CDK11A: variants seen among roughly 807,000 people sequenced by gnomAD.
The protein encoded by CDK11A is cyclin dependent kinase 11A.
A neutral mutation model predicts 83.6 loss-of-function variants in CDK11A; 55 were observed. That is an observed-to-expected ratio of 0.66 (90% CI 0.53 to 0.82). The LOEUF is 0.82. Ranked by LOEUF, CDK11A falls within the 40% of genes least tolerant of loss-of-function variation. CDK11A has a pLI of 0.00. For synonymous variants in CDK11A, 247 were observed against 302.7 expected (o/e 0.82, Z 1.91); for missense variants, 564 against 810.1 (o/e 0.70, Z 3.69).
rs796260335 is a variant in CDK11A at position 1,714,992 on chromosome 1, C to T, written c.488+1354G>A. Among the ~76,000 whole-genome samples, 10 of 149,828 alleles carry T rather than the reference C, an allele frequency of 6.7e-5. No homozygotes were observed. In the South Asian group the frequency reaches 2.1e-3, roughly 32 times the overall value. On this transcript the variant is annotated intron_variant, in intron 5 of 19. Transcript: ENST00000404249. Reference sequence around the variant, plus strand: ...CAAGGCCACTGCCCACTGCTCTAAACGGAGTAACCCCTTCCAAGGCAGCAA... The same window carrying T: ...CAAGGCCACTGCCCACTGCTCTAAATGGAGTAACCCCTTCCAAGGCAGCAA...
At chr1:1,721,884 C>T in intron 2 of CDK11A, 173 bp from the exon 3 acceptor site, 2 of 769,828 alleles carry the variant, frequency 2.6e-6, no homozygotes, top group Middle Eastern at 4.2e-4. Flanking sequence ...GGTGCAGTGG[C>T]TCACGCTTGT....
intron 1 of CDK11A, 138 bp from the exon 2 acceptor site, chr1:1,722,969 A>G (rs1280280899): frequency 2.7e-6 from 1 of 368,700 alleles, no homozygotes; most frequent in African/African-American, 3.9e-5. Flanking sequence ...CAGTGGCTCA[A>G]GACGGTAACC....
chr1:1,704,063 G>GGC lies in CDK11A; in HGVS notation c.1768_1769dup (p.Glu592GlnfsTer27), dbSNP rs767264828. 1.9e-6 allele frequency: 3 copies of GGC among 1,595,686 alleles called. No individual in the cohort carries two copies. In the African/African-American group the frequency reaches 4.0e-5, roughly 21 times the overall value. ...CCTTGGCACCAAGCAGCAGCTCTGG[G>GGC]GCGCGGTACCACTGGGTCACCACGA... On this transcript the variant is annotated frameshift_variant, in exon 16 of 20. Transcript: ENST00000404249. LOFTEE classifies it high-confidence loss of function.
chr1:1,703,588 A>G lies in CDK11A; in HGVS notation c.1948T>C (p.Tyr650His). ...TTTTTGACTACTGGGAGCTCACTGTAGCCGGGCCAGATTTTCTCACTGGGG... is the reference window on the plus strand; with the variant it reads ...TTTTTGACTACTGGGAGCTCACTGTGGCCGGGCCAGATTTTCTCACTGGGG... Reference protein sequence around the residue: ...GTPSEKIWPGYSELPVVKKMT... With the variant: ...GTPSEKIWPGHSELPVVKKMT... Residue 650 changes from tyrosine to histidine, a missense_variant, in exon 18 of 20, where the codon TAC (tyrosine) becomes CAC (histidine). Transcript: ENST00000404249. 6.3e-7 allele frequency: 1 copy of G among 1,594,272 alleles called. No homozygotes were observed. The highest frequency in any genetic ancestry group is 8.5e-7 in the Non-Finnish European group (1 of 1,174,008).
At position 1,708,894 on chromosome 1, in the gene CDK11A, T is replaced by TTCCTCC; in HGVS notation, c.897_902dup (p.Glu300_Glu301dup). Reference sequence around the variant, plus strand: ...CCTCTGATTCTTCACTGGTGCTCCCTTCCTCCTCCTCCTCTTCCTCCTCCT... The same window carrying TTCCTCC: ...CCTCTGATTCTTCACTGGTGCTCCCTTCCTCCTCCTCCTCCTCCTCTTCCTCCTCCT... On this transcript the variant is annotated inframe_insertion, in exon 9 of 20. Coordinates refer to ENST00000404249, the MANE Select transcript of CDK11A (RefSeq NM_024011.4). The TTCCTCC allele has an allele frequency of 1.0e-6, 1 of 954,728 alleles. No individual in the cohort carries two copies. Among genetic ancestry groups the TTCCTCC allele is most frequent in the Non-Finnish European group, 1.6e-6 (1 of 615,540 alleles). 59.1% of individuals were successfully genotyped at this position (954,728 alleles called of 1,614,324 possible).
intron 11 of CDK11A, among the ~76,000 whole-genome samples, chr1:1,707,008 G>A (rs541400724): frequency 3.5e-5 from 5 of 142,866 alleles, no homozygotes; most frequent in South Asian, 2.3e-4. Context: ...TCCCGTAGCC[G>A]CTCCCCCATC....
chr1:1,716,391 C>G lies in CDK11A; in HGVS notation c.443G>C (p.Arg148Thr). The G allele has an allele frequency of 6.2e-7, 1 of 1,609,196 alleles. No homozygotes were observed. Among genetic ancestry groups the G allele is most frequent in the Non-Finnish European group, 8.5e-7 (1 of 1,176,660 alleles). Residue 148 changes from arginine (R) to threonine (T), a missense_variant, in exon 5 of 20, where the codon AGA becomes ACA. Around this residue, in one of 5 missense-constraint regions of CDK11A, gnomAD observed 151 missense variants for 147.4 expected, o/e 1.02. Transcript: ENST00000404249. Reference sequence around the variant, plus strand: ...CCTTGCCATTTCCCTTCTCTTCTGTCTTTCCCATTCCCGGCGAGCTTTATC... The same window carrying G: ...CCTTGCCATTTCCCTTCTCTTCTGTGTTTCCCATTCCCGGCGAGCTTTATC... ...EQDKARREWE[R>T]QKRREMAREH...
chr1:1,721,481 A>G (rs1644904419), intron 3 of CDK11A, 115 bp downstream of exon 3: 26 of 1,233,050 alleles, frequency 2.1e-5, no homozygotes, highest in Admixed American at 4.7e-5. Context: ...TAACTCTAGG[A>G]AAGAGTAAAC....
intron 4 of CDK11A, among the ~76,000 whole-genome samples, chr1:1,717,355 C>T (rs956984360): frequency 3.5e-5 from 5 of 143,358 alleles, no homozygotes; most frequent in African/African-American, 9.8e-5. Flanking sequence ...AGATTTCAAT[C>T]GGGCTCCAGG....
rs763056792 is a variant in CDK11A at position 1,703,848 on chromosome 1, G to A, written c.1887C>T (p.Ile629=). 16 of 1,609,774 alleles carry A rather than the reference G, an allele frequency of 9.9e-6. No homozygotes were observed. In the African/African-American group the frequency reaches 1.3e-4, roughly 13 times the overall value. The change falls in exon 17 of 20, where the codon ATC becomes ATT. Residue 629 remains isoleucine, a synonymous_variant. Transcript: ENST00000404249. ...CCTTGAACACTTTGTTGATCTGATC[G>A]ATTTCCGAATTCCCGGGGAACAGAG... ...QKPLFPGNSE[I]DQINKVFKEL... is the part of the protein sequence containing the mutation.
intron 1 of CDK11A, 117 bp downstream of exon 1, chr1:1,724,141 G>T (rs1297586849): frequency 6.7e-6 from 1 of 149,930 alleles, no homozygotes; most frequent in Non-Finnish European, 1.5e-5. Flanking sequence ...GCGGAAGCGA[G>T]GGTGTCGCTC....
chr1:1,717,043 A>G (rs1323099097), intron 4 of CDK11A, among the ~76,000 whole-genome samples: 1 of 139,050 alleles, frequency 7.2e-6, no homozygotes. Context: ...GGCCTGGGCC[A>G]CTGCACCCAG....
chr1:1,707,108 C>A (rs1426799551), intron 11 of CDK11A, among the ~76,000 whole-genome samples: 4 of 143,408 alleles, frequency 2.8e-5, no homozygotes, highest in Admixed American at 2.1e-4. Context: ...CTCTCCAGTG[C>A]GGAGGAGGAC....
Position 1,719,891 on chromosome 1 carries a change from A to AGGC in CDK11A, c.228-439_228-437dup, listed in dbSNP as rs571454768. 3.3e-3 allele frequency among the ~76,000 whole-genome samples: 497 copies of AGGC among 150,870 alleles called. 17 individuals are homozygous for AGGC. Among genetic ancestry groups the AGGC allele is most frequent in the Non-Finnish European group, 4.0e-3 (270 of 67,632 alleles). ...CGGCTTCCCAAAGTGCTGGGATTAC[A>AGGC]GGCGTGAGCCACCGCGCCCGGCCTA... On this transcript the variant is annotated intron_variant, in intron 3 of 19. Transcript: ENST00000404249.
intron 11 of CDK11A, among the ~76,000 whole-genome samples, chr1:1,706,383 T>C (rs563224295): frequency 1.3e-5 from 2 of 151,372 alleles, no homozygotes; most frequent in South Asian, 2.1e-4. Flanking sequence ...AAAACTCTTC[T>C]CTACAAAATA....
chr1:1,710,777 CAG>C (rs1175757952), intron 6 of CDK11A, among the ~76,000 whole-genome samples: 3 of 140,924 alleles, frequency 2.1e-5, no homozygotes, highest in Non-Finnish European at 4.7e-5. Context: ...GAAATATCAA[CAG>C]AGACAGAAGA....
intron 15 of CDK11A, 31 bp downstream of exon 15, chr1:1,704,192 C>T: frequency 1.2e-6 from 2 of 1,608,170 alleles, no homozygotes; most frequent in South Asian, 2.2e-5. Flanking sequence ...GGCGGGTCAC[C>T]CTGGGATGGG....
intron 5 of CDK11A, among the ~76,000 whole-genome samples, chr1:1,714,940 C>T (rs1644582495): frequency 6.7e-6 from 1 of 150,322 alleles, no homozygotes; most frequent in Non-Finnish European, 1.5e-5. Flanking sequence ...TTGGCCTTTT[C>T]CTCCCTCCAC....
chr1:1,716,814 C>CAAAAAAAAAAA (rs1168780288), intron 4 of CDK11A, among the ~76,000 whole-genome samples: 7 of 76,680 alleles, frequency 9.1e-5, no homozygotes, highest in Admixed American at 1.5e-4. Context: ...GACTCCATCT[C>CAAAAAAAAAAA]AAAAAAAAAA....
Sources: gnomAD v4.1 joint callset for allele counts (sites outside exome capture counted in the v4.1 genomes callset) on GRCh38, gnomAD v4.1.1 for gene constraint, gnomAD v4.1.1 regional missense constraint, MANE v1.5 for transcripts, NCBI Gene and HGNC (gene_info 2026-07-23, HGNC 2026-07-21) for gene names.